MLLT10: variants seen among roughly 807,000 people sequenced by gnomAD.
The protein encoded by MLLT10 is MLLT10 histone lysine methyltransferase DOT1L cofactor, also known as protein AF-10.
In MLLT10, 30 loss-of-function variants were observed where a neutral mutation model predicts 129.1. The observed-to-expected ratio is 0.23, with a 90% CI of 0.17 to 0.32. The LOEUF (loss-of-function observed/expected upper bound fraction) is 0.32, where lower values mean the gene tolerates loss of function less well. MLLT10 is among the 10% of genes least tolerant of loss of function. MLLT10 has a pLI of 1.00. For missense variants in MLLT10, 1,119 were observed against 1,268.3 expected (o/e 0.88, Z 1.79); for synonymous variants, 490 against 446.4 (o/e 1.10, Z -1.23).
intron 21 of MLLT10, chr10:21,738,623 C>A: frequency 8.7e-7 from 1 of 1,149,894 alleles, no homozygotes; most frequent in Non-Finnish European, 1.1e-6. Flanking sequence ...ACTCTGCTTC[C>A]CCCAGATGAC....
At chr10:21,721,746 A>G (rs1326475544) in intron 14 of MLLT10, among the ~76,000 whole-genome samples, 3 of 152,266 alleles carry the variant, frequency 2.0e-5, no homozygotes, top group African/African-American at 7.2e-5. Context: ...AAGTTATTCT[A>G]AATTTGCTAA....
intron 6 of MLLT10, 76 bp from the exon 7 acceptor site, chr10:21,614,755 G>A: frequency 2.7e-6 from 3 of 1,132,060 alleles, no homozygotes; most frequent in Non-Finnish European, 3.8e-6. Flanking sequence ...ATGATTGGAA[G>A]TAAATTTTAT....
chr10:21,560,587 T>C (rs769844257), intron 3 of MLLT10, among the ~76,000 whole-genome samples: 16 of 151,724 alleles, frequency 1.1e-4, no homozygotes, highest in South Asian at 6.2e-4. Flanking sequence ...AGGCACGTAC[T>C]ACCACCACCA....
intron 11 of MLLT10, among the ~76,000 whole-genome samples, chr10:21,678,086 A>G (rs2052367502): frequency 6.6e-6 from 1 of 151,966 alleles, no homozygotes; most frequent in Admixed American, 6.6e-5. Context: ...ATATTACTTT[A>G]TTTGTAAAGC....
chr10:21,719,159 T>C (rs1282659609), intron 14 of MLLT10, among the ~76,000 whole-genome samples: 2 of 152,256 alleles, frequency 1.3e-5, no homozygotes, highest in Non-Finnish European at 2.9e-5. Context: ...GGAAGTTGTC[T>C]AAGATGTAGT....
intron 3 of MLLT10, among the ~76,000 whole-genome samples, chr10:21,571,779 C>A (rs985652107): frequency 1.3e-5 from 2 of 152,044 alleles, no homozygotes; most frequent in African/African-American, 4.8e-5. Flanking sequence ...CTTTGCTATT[C>A]TTTGTTTTCT....
chr10:21,539,710 A>G (rs2130896651), intron 3 of MLLT10, among the ~76,000 whole-genome samples: 1 of 152,308 alleles, frequency 6.6e-6, no homozygotes, highest in African/African-American at 2.4e-5. Context: ...TAGAGGTTGC[A>G]GTGAGCTGAG....
At chr10:21,670,105 C>T (rs1332723767) in intron 9 of MLLT10, among the ~76,000 whole-genome samples, 1 of 151,440 alleles carries the variant, frequency 6.6e-6, no homozygotes, top group Non-Finnish European at 1.5e-5. Flanking sequence ...GAAGTGTAGA[C>T]ATTGTTAAAA....
At chr10:21,700,412 G>A (rs761265700) in intron 13 of MLLT10, among the ~76,000 whole-genome samples, 4 of 152,290 alleles carry the variant, frequency 2.6e-5, no homozygotes, top group South Asian at 4.1e-4. Context: ...TTGAATAAGA[G>A]TTGTGAAGGT....
chr10:21,534,588 G>A (rs1028167461), intron 1 of MLLT10, 57 bp from the exon 2 acceptor site: 5 of 1,551,460 alleles, frequency 3.2e-6, no homozygotes, highest in Non-Finnish European at 4.4e-6. Flanking sequence ...CTGTGTGGGG[G>A]GGAAGCACTA....
At chr10:21,590,133 G>T (rs1456943145) in intron 4 of MLLT10, among the ~76,000 whole-genome samples, 1 of 151,898 alleles carries the variant, frequency 6.6e-6, no homozygotes, top group African/African-American at 2.4e-5. Context: ...GAGACACGTC[G>T]TCTCACTTTG....
rs893918230 is a variant in MLLT10 at position 21,734,058 on chromosome 10, C to T, written c.2787C>T (p.Asn929=). The part of the protein sequence containing the change: ...VMQTPVTMSQ[N]PTPLTHTTVP... ...AGACTCCTGTCACAATGTCCCAGAACCCTACCCCTCTCACCCACACAACCG... is the reference window on the plus strand; with the variant it reads ...AGACTCCTGTCACAATGTCCCAGAATCCTACCCCTCTCACCCACACAACCG... The change falls in exon 20 of 23, where the codon AAC becomes AAT. Residue 929 remains asparagine (N), a synonymous_variant. Coordinates refer to ENST00000307729, the MANE Select transcript of MLLT10 (RefSeq NM_001195626.3). The T allele has an allele frequency of 8.7e-6, 14 of 1,613,996 alleles. No homozygotes were observed. The highest frequency in any genetic ancestry group is 1.6e-4 in the Middle Eastern group (1 of 6,084).
intron 9 of MLLT10, among the ~76,000 whole-genome samples, chr10:21,656,589 C>T (rs1004221416): frequency 1.3e-5 from 2 of 152,028 alleles, no homozygotes; most frequent in African/African-American, 4.8e-5. Context: ...TTTTTTAGTG[C>T]ACTTTTTCTG....
At chr10:21,619,033 C>CAT (rs1465786683) in intron 8 of MLLT10, among the ~76,000 whole-genome samples, 3 of 70,938 alleles carry the variant, frequency 4.2e-5, no homozygotes, top group Non-Finnish European at 9.0e-5. Context: ...GTGACATACA[C>CAT]ACACACACAC....
chr10:21,607,346 GTT>G (rs2044162881), intron 5 of MLLT10, among the ~76,000 whole-genome samples: 1 of 136,828 alleles, frequency 7.3e-6, no homozygotes, highest in African/African-American at 2.8e-5. Flanking sequence ...TTGAGATGGA[GTT>G]TTGCTCTTGT....
At chr10:21,655,920 G>A (rs1238170909) in intron 9 of MLLT10, among the ~76,000 whole-genome samples, 1 of 152,206 alleles carries the variant, frequency 6.6e-6, no homozygotes, top group Non-Finnish European at 1.5e-5. Context: ...GCTTTCAGCT[G>A]TTGAAGGAGG....
At chr10:21,648,950 A>G (rs960115761) in intron 8 of MLLT10, among the ~76,000 whole-genome samples, 8 of 152,212 alleles carry the variant, frequency 5.3e-5, no homozygotes, top group South Asian at 2.1e-4. Context: ...CTATGATTCA[A>G]TTACCTCCTA....
intron 3 of MLLT10, among the ~76,000 whole-genome samples, chr10:21,545,946 C>T (rs944502582): frequency 2.0e-5 from 3 of 152,076 alleles, no homozygotes; most frequent in African/African-American, 4.8e-5. Flanking sequence ...GGATTTCAGG[C>T]GTGAGCCACC....
At chr10:21,539,439 G>T (rs1271482767) in intron 3 of MLLT10, among the ~76,000 whole-genome samples, 3 of 148,328 alleles carry the variant, frequency 2.0e-5, no homozygotes, top group Non-Finnish European at 3.0e-5. Flanking sequence ...TTTTAACTTG[G>T]GTGGTTACCT....
Sources: allele counts gnomAD v4.1 joint callset (sites outside exome capture counted in the v4.1 genomes callset), GRCh38; gene constraint gnomAD v4.1.1; transcripts MANE v1.5; gene names NCBI Gene and HGNC (gene_info 2026-07-23, HGNC 2026-07-21).